The following FRMD3 variants were observed in gnomAD, a reference collection of about 807,000 sequenced individuals.
The protein encoded by FRMD3 is FERM domain-containing protein 3.
FRMD3 carries 33 observed loss-of-function variants against 70.2 expected under a neutral mutation model. The ratio of observed to expected loss-of-function variants is 0.47; its 90% CI spans 0.36 to 0.63. The LOEUF is 0.63. FRMD3 is among the 20% of genes least tolerant of loss of function. The pLI, the probability that FRMD3 is intolerant of heterozygous loss-of-function variation, is 0.00. For synonymous variants in FRMD3, 279 were observed against 255.9 expected (o/e 1.09, Z -0.86); for missense variants, 632 against 711.4 (o/e 0.89, Z 1.27).
intron 1 of FRMD3, among the ~76,000 whole-genome samples, chr9:83,406,179 C>A (rs1216453675): frequency 6.6e-6 from 1 of 152,128 alleles, no homozygotes; most frequent in Non-Finnish European, 1.5e-5. Context: ...TCCTCTGAGT[C>A]TTCTGCCTCC....
At chr9:83,265,058 AC>A (rs1482500796) in intron 13 of FRMD3, among the ~76,000 whole-genome samples, 1 of 152,142 alleles carries the variant, frequency 6.6e-6, no homozygotes, top group Non-Finnish European at 1.5e-5. Flanking sequence ...CCTAAAATAT[AC>A]AGAAAGCAAA....
At chr9:83,454,010 C>A (rs187845082) in intron 1 of FRMD3, among the ~76,000 whole-genome samples, 164 of 152,196 alleles carry the variant, frequency 1.1e-3, no homozygotes, top group African/African-American at 3.9e-3. Context: ...CCACCGCGCC[C>A]AGCTCTTTTA....
At chr9:83,349,778 G>A in intron 3 of FRMD3, 21 bp from the exon 4 acceptor site, 1 of 1,584,034 alleles carries the variant, frequency 6.3e-7, no homozygotes, top group Non-Finnish European at 8.7e-7. Context: ...ATAAAGAAAA[G>A]GCATGAGAAA....
intron 8 of FRMD3, 43 bp downstream of exon 8, chr9:83,311,844 G>A (rs768475232): frequency 7.2e-7 from 1 of 1,382,988 alleles, no homozygotes; most frequent in South Asian, 1.2e-5. Context: ...GAGGAATCAA[G>A]ATTAAGAAAA....
At position 83,450,617 on chromosome 9, in the gene FRMD3, T is replaced by C. The variant is rs1449152599; in HGVS notation, c.148-60909A>G. On this transcript the variant is annotated intron_variant, in intron 1 of 13. Coordinates refer to ENST00000304195, the MANE Select transcript of FRMD3 (RefSeq NM_174938.6). ...TCTTTGGAATAGCAGAGTCCCCACGTGGCAGCCTGGAACAAAGACCCTCAG... is the reference window on the plus strand; with the variant it reads ...TCTTTGGAATAGCAGAGTCCCCACGCGGCAGCCTGGAACAAAGACCCTCAG... 3.3e-5 allele frequency among the ~76,000 whole-genome samples: 5 copies of C among 152,112 alleles called. No individual in the cohort carries two copies. The East Asian group carries it at 9.6e-4, about 29-fold the overall frequency.
chr9:83,350,959 ATAGT>A, intron 3 of FRMD3: 1 of 904,664 alleles, frequency 1.1e-6, no homozygotes, highest in Non-Finnish European at 1.3e-6. Flanking sequence ...AGGAAATAAA[ATAGT>A]TAGCATTACT....
chr9:83,491,132 T>A (rs1828815223), intron 1 of FRMD3, among the ~76,000 whole-genome samples: 2 of 152,148 alleles, frequency 1.3e-5, no homozygotes, highest in Non-Finnish European at 2.9e-5. Context: ...TTTTTCTGTG[T>A]AATACCTAGA....
intron 1 of FRMD3, among the ~76,000 whole-genome samples, chr9:83,433,735 AC>A (rs141019982): frequency 0.083 from 12,661 of 152,224 alleles, 603 homozygotes; most frequent in South Asian, 0.2. Context: ...GGAATGTGCA[AC>A]CTAGATCCCT....
At position 83,480,496 on chromosome 9, in the gene FRMD3, A is replaced by ATT. The variant is rs11376067; in HGVS notation, c.147+57587_147+57588dup. Among the ~76,000 whole-genome samples, 502 of 143,014 alleles carry ATT rather than the reference A, an allele frequency of 3.5e-3. 5 individuals are homozygous for ATT. Among genetic ancestry groups the ATT allele is most frequent in the African/African-American group, 0.011 (418 of 38,266 alleles). The allele number at this position is 143,014 out of a possible 152,430, so 93.8% of individuals were successfully genotyped here. A position where few individuals can be genotyped will look rare whatever the true frequency, so the allele number is the denominator to read the frequency against. On this transcript the variant is annotated intron_variant, in intron 1 of 13. Coordinates refer to ENST00000304195, the MANE Select transcript of FRMD3 (RefSeq NM_174938.6). The stretch of plus-strand genomic sequence containing the variant: ...ATTAGGTTTTATAAGTAAACTAGAG[A>ATT]TTTTTTTTTTTTTTTTGAGATGGAG...
intron 2 of FRMD3, among the ~76,000 whole-genome samples, chr9:83,388,829 C>T (rs985249960): frequency 2.6e-5 from 4 of 152,084 alleles, no homozygotes; most frequent in South Asian, 2.1e-4. Context: ...CTTTAAAATG[C>T]ACATTTTGGT....
At position 83,335,651 on chromosome 9, in the gene FRMD3, GA is replaced by G. The variant is rs1434583450; in HGVS notation, c.473-13del. On this transcript the variant is annotated splice_polypyrimidine_tract_variant and intron_variant, in intron 5 of 13. Transcript: ENST00000304195. ...ATCACCAAGCTCAGCTGTAATGAGT[GA>G]AAAAATAAAGAGACAGAGAAAGATT... 1 of 1,604,288 alleles carries G rather than the reference GA, an allele frequency of 6.2e-7. No homozygotes were observed. Among genetic ancestry groups the G allele is most frequent in the Non-Finnish European group, 8.5e-7 (1 of 1,175,980 alleles).
chr9:83,279,480 A>G (rs1369529700), intron 13 of FRMD3: 16 of 152,208 alleles, frequency 1.1e-4, no homozygotes, highest in Admixed American at 9.2e-4. Flanking sequence ...AATATAAATC[A>G]TTCTATTATA....
intron 10 of FRMD3, among the ~76,000 whole-genome samples, chr9:83,306,876 G>A (rs923411111): frequency 6.6e-6 from 1 of 152,094 alleles, no homozygotes; most frequent in African/African-American, 2.4e-5. Flanking sequence ...TGGGATTGAT[G>A]AAAATGTTTG....
chr9:83,533,957 A>G (rs531455077), intron 1 of FRMD3, among the ~76,000 whole-genome samples: 2 of 152,362 alleles, frequency 1.3e-5, no homozygotes, highest in South Asian at 4.1e-4. Context: ...TGGCAAGTTC[A>G]TTAGCAAGGG....
Position 83,309,524 on chromosome 9 carries a change from A to G in FRMD3, c.926+12T>C. The G allele has an allele frequency of 6.5e-7, 1 of 1,534,002 alleles. No individual in the cohort carries two copies. Among genetic ancestry groups the G allele is most frequent in the East Asian group, 2.3e-5 (1 of 44,308 alleles). The stretch of plus-strand genomic sequence containing the variant: ...TTTAAAAGCTATAATTAAATGAATA[A>G]AAGCCACTTACTTATAAAAGGCCTG... On this transcript the variant is annotated intron_variant, in intron 10 of 13. Transcript: ENST00000304195.
At chr9:83,262,722 A>G (rs1260902398) in intron 13 of FRMD3, among the ~76,000 whole-genome samples, 1 of 152,118 alleles carries the variant, frequency 6.6e-6, no homozygotes, top group Non-Finnish European at 1.5e-5. Flanking sequence ...ACAGACTGCT[A>G]CTTCTTCCTG....
At chr9:83,264,519 G>C (rs549970061) in intron 13 of FRMD3, among the ~76,000 whole-genome samples, 1 of 152,186 alleles carries the variant, frequency 6.6e-6, no homozygotes, top group African/African-American at 2.4e-5. Flanking sequence ...CTTCTCTTGT[G>C]TGGGATGTTG....
intron 6 of FRMD3, among the ~76,000 whole-genome samples, chr9:83,326,715 T>C (rs1415667897): frequency 2.0e-5 from 3 of 152,218 alleles, no homozygotes; most frequent in Non-Finnish European, 4.4e-5. Flanking sequence ...AAAATAATGA[T>C]TTTCTGTCCG....
chr9:83,550,194 T>A, the FRMD3 span, among the ~76,000 whole-genome samples: 1 of 152,172 alleles, frequency 6.6e-6, no homozygotes, highest in Non-Finnish European at 1.5e-5. Context: ...CAGAACCATT[T>A]ATTGAATAGG....
Sources: gnomAD v4.1 joint callset for allele counts (sites outside exome capture counted in the v4.1 genomes callset) on GRCh38, gnomAD v4.1.1 for gene constraint, MANE v1.5 for transcripts, NCBI Gene and HGNC (gene_info 2026-07-23, HGNC 2026-07-21) for gene names.